VPS26C: variants seen among roughly 807,000 people sequenced by gnomAD.
VPS26C encodes the protein vacuolar protein sorting-associated protein 26C.
Under a neutral mutation model 30.6 loss-of-function variants are expected in VPS26C, and 19 were observed. The observed-to-expected ratio is 0.62, with a 90% CI of 0.43 to 0.91. The LOEUF is 0.91. Ranked by LOEUF, VPS26C falls within the 40% of genes least tolerant of loss-of-function variation. VPS26C has a pLI of 0.00. For missense variants in VPS26C, 318 were observed against 385.1 expected (o/e 0.83, Z 1.46); for synonymous variants, 132 against 151.5 (o/e 0.87, Z 0.95).
chr21:37,254,226 C>T (rs569466412), intron 1 of VPS26C, among the ~76,000 whole-genome samples: 55 of 152,254 alleles, frequency 3.6e-4, no homozygotes, highest in Admixed American at 3.1e-3. Flanking sequence ...GTATGAATCA[C>T]GATAGTGCAG....
intron 3 of VPS26C, among the ~76,000 whole-genome samples, chr21:37,235,073 C>T (rs1448848535): frequency 6.6e-6 from 1 of 151,592 alleles, no homozygotes; most frequent in East Asian, 1.9e-4. Flanking sequence ...ATGGCGTGAT[C>T]TCGGCTCACT....
At chr21:37,264,663 AAAG>A (rs1402020667) in intron 1 of VPS26C, among the ~76,000 whole-genome samples, 3 of 152,224 alleles carry the variant, frequency 2.0e-5, no homozygotes, top group Non-Finnish European at 4.4e-5. Context: ...ACGAGAATAC[AAAG>A]TAGTGGAAAA....
chr21:37,234,710 A>G (rs1456979993), intron 3 of VPS26C, among the ~76,000 whole-genome samples: 2 of 152,192 alleles, frequency 1.3e-5, no homozygotes, highest in African/African-American at 4.8e-5. Context: ...TAATATTCGT[A>G]TGAACAACCT....
intron 5 of VPS26C, 164 bp from the exon 6 acceptor site, chr21:37,228,537 G>A: frequency 1.5e-6 from 1 of 667,434 alleles, no homozygotes; most frequent in South Asian, 1.9e-5. Context: ...TGACGTCTTG[G>A]ACATTAGCCG....
intron 1 of VPS26C, among the ~76,000 whole-genome samples, chr21:37,244,041 C>T (rs940276069): frequency 5.3e-5 from 8 of 152,150 alleles, no homozygotes; most frequent in African/African-American, 1.9e-4. Context: ...GAGCCTGCTT[C>T]GAGGGGCTCC....
intron 1 of VPS26C, among the ~76,000 whole-genome samples, chr21:37,265,910 C>CTTTT (rs59649054): frequency 1.9e-4 from 15 of 77,236 alleles, no homozygotes; most frequent in Admixed American, 3.3e-4. Context: ...AGCTTTTTCT[C>CTTTT]TTTTTTTTTT....
intron 1 of VPS26C, among the ~76,000 whole-genome samples, chr21:37,256,183 A>G (rs939428208): frequency 6.6e-6 from 1 of 152,212 alleles, no homozygotes; most frequent in African/African-American, 2.4e-5. Flanking sequence ...GTAAGTTTTG[A>G]CACAGGACCA....
chr21:37,228,697 C>T (rs1602262117), intron 5 of VPS26C: 1 of 214,220 alleles, frequency 4.7e-6, no homozygotes, highest in Non-Finnish European at 9.5e-6. Flanking sequence ...CTGAGGGAGT[C>T]GCCATGGTGT....
At chr21:37,244,225 G>T (rs561947539) in intron 1 of VPS26C, among the ~76,000 whole-genome samples, 1 of 152,352 alleles carries the variant, frequency 6.6e-6, no homozygotes, top group Admixed American at 6.5e-5. Flanking sequence ...TTGTTCAAAG[G>T]GGGGCAAAAG....
chr21:37,233,154 G>C lies in VPS26C; in HGVS notation c.432+208C>G. 1 of 528,222 alleles carries C rather than the reference G, an allele frequency of 1.9e-6. No individual in the cohort carries two copies. The highest frequency in any genetic ancestry group is 2.6e-5 in the South Asian group (1 of 37,888). 32.7% of individuals were successfully genotyped at this position (528,222 alleles called of 1,614,324 possible). ...CCGACGTGGAGTCCCTCTGGCCCGC[G>C]GCCTCAGCTGGGGGACTCTGGGCCC... On this transcript the variant is annotated intron_variant, in intron 4 of 7. Transcript: ENST00000309117. This position sits in a 1 kb window ranked among gnomAD's most constrained non-coding sequence, Gnocchi z 5.2.
intron 1 of VPS26C, chr21:37,266,939 G>A (rs144891624): frequency 4.5e-6 from 2 of 447,310 alleles, no homozygotes; most frequent in East Asian, 4.5e-5. Flanking sequence ...CAACACCGCC[G>A]GGTGTTCAAG....
upstream of VPS26C, chr21:37,267,933 G>A (rs1371638144): frequency 6.5e-6 from 1 of 153,128 alleles, no homozygotes; most frequent in African/African-American, 2.4e-5. Context: ...AGCGGTTCCG[G>A]TCACCCTCAG....
chr21:37,265,735 A>T (rs2086351987), intron 1 of VPS26C, among the ~76,000 whole-genome samples: 1 of 152,064 alleles, frequency 6.6e-6, no homozygotes, highest in Admixed American at 6.6e-5. Flanking sequence ...ATACGGATTA[A>T]ACATTTTTGG....
Position 37,225,222 on chromosome 21 carries a change from G to A in VPS26C, c.*322C>T. 1 of 329,448 alleles carries A rather than the reference G, an allele frequency of 3.0e-6. No individual in the cohort carries two copies. The highest frequency in any genetic ancestry group is 5.8e-6 in the Non-Finnish European group (1 of 171,468). 20.4% of individuals were successfully genotyped at this position (329,448 alleles called of 1,614,324 possible). A position where few individuals can be genotyped will look rare whatever the true frequency, so the allele number is the denominator to read the frequency against. The stretch of plus-strand genomic sequence containing the variant: ...TGCCACTCTCCAGCAAGCTCAAACT[G>A]CTGTCACAATTGTTTTACTGTACCT... On this transcript the variant is annotated 3_prime_UTR_variant, in exon 8 of 8. Transcript: ENST00000309117.
At chr21:37,234,450 G>A (rs1288135612) in intron 3 of VPS26C, among the ~76,000 whole-genome samples, 2 of 152,200 alleles carry the variant, frequency 1.3e-5, no homozygotes, top group Non-Finnish European at 2.9e-5. Context: ...TGCAGAGCTG[G>A]TATTGAGCTT....
intron 1 of VPS26C, among the ~76,000 whole-genome samples, chr21:37,253,479 A>T (rs1323161234): frequency 6.6e-6 from 1 of 152,232 alleles, no homozygotes; most frequent in African/African-American, 2.4e-5. Flanking sequence ...GTGATGTGAA[A>T]CTTCAAAATC....
At chr21:37,245,693 A>C (rs1376880760) in intron 1 of VPS26C, among the ~76,000 whole-genome samples, 2 of 152,194 alleles carry the variant, frequency 1.3e-5, no homozygotes, top group African/African-American at 2.4e-5. Context: ...ATGAACATTT[A>C]CTAAATGAAT....
rs992166383 is a variant in VPS26C at position 37,227,936 on chromosome 21, C to A, written c.659-130G>T. The A allele has an allele frequency of 4.1e-6, 5 of 1,233,198 alleles. No homozygotes were observed. The South Asian group carries it at 4.3e-5, about 10-fold the overall frequency. 76.4% of individuals were successfully genotyped at this position (1,233,198 alleles called of 1,614,324 possible). On this transcript the variant is annotated intron_variant, in intron 6 of 7. Coordinates refer to ENST00000309117, the MANE Select transcript of VPS26C (RefSeq NM_006052.2). ...CCCCTCCCCTCACTTTCCTTAGACA[C>A]GCGGCTACTGCTAAGGCACAGCCAC...
In VPS26C at chr21:37,240,504, A is replaced by T. The variant is rs1289421816; in HGVS notation, c.193T>A (p.Ser65Thr). The T allele has an allele frequency of 6.2e-7, 1 of 1,613,876 alleles. No homozygotes were observed. Among genetic ancestry groups the T allele is most frequent in the Admixed American group, 1.7e-5 (1 of 59,928 alleles). ...TAAGCATTCTTTCTTACCTTAACAG[A>T]ATTATAAAAAGCTTCAAACACACCC... ...SVGVFEAFYN[S>T]VKPIQIINST... Residue 65 changes from serine (S) to threonine (T), a missense_variant, in exon 2 of 8, where the codon TCT (serine) becomes ACT (threonine). Physicochemically the swap from Ser to Thr is moderately conservative, Grantham distance 58 (BLOSUM62 1). Coordinates refer to ENST00000309117, the MANE Select transcript of VPS26C (RefSeq NM_006052.2).
Sources: gnomAD v4.1 joint callset for allele counts (sites outside exome capture counted in the v4.1 genomes callset) on GRCh38, gnomAD v4.1.1 for gene constraint, Gnocchi (gnomAD v3.1) non-coding constraint, MANE v1.5 for transcripts, NCBI Gene and HGNC (gene_info 2026-07-23, HGNC 2026-07-21) for gene names.